DACH2: variants seen among roughly 807,000 people sequenced by gnomAD.
DACH2 encodes the protein dachshund family transcription factor 2.
In DACH2, 17 loss-of-function variants were observed where a neutral mutation model predicts 35.8. The observed-to-expected ratio is 0.48, with a 90% CI of 0.33 to 0.71. The LOEUF (loss-of-function observed/expected upper bound fraction) is 0.71. Among genes scored for constraint, DACH2 ranks in the 30% least tolerant of loss-of-function variants. The pLI, the probability that DACH2 is intolerant of heterozygous loss-of-function variation, is 0.02. For missense variants in DACH2, 469 were observed against 472.7 expected (o/e 0.99, Z 0.07); for synonymous variants, 195 against 177.3 (o/e 1.10, Z -0.79).
At chrX:86,288,143 G>A (rs1261501837) in intron 1 of DACH2, among the ~76,000 whole-genome samples, 1 of 112,438 alleles carries the variant, frequency 8.9e-6, no homozygotes, top group Non-Finnish European at 1.9e-5. Flanking sequence ...GACTCCTAGA[G>A]GTATTACCTT....
chrX:86,760,779 C>T (rs1166110190), intron 7 of DACH2, among the ~76,000 whole-genome samples: 1 of 109,704 alleles, frequency 9.1e-6, no homozygotes, highest in Non-Finnish European at 1.9e-5. Flanking sequence ...TTTGCTTTTT[C>T]CTCTGTCCTT....
chrX:86,428,394 G>A (rs1054508976), intron 2 of DACH2, among the ~76,000 whole-genome samples: 1 of 111,628 alleles, frequency 9.0e-6, no homozygotes, highest in Non-Finnish European at 1.9e-5. Context: ...ATTCCCATAA[G>A]TTACTGAATA....
At chrX:86,458,900 A>G (rs1016355790) in intron 2 of DACH2, among the ~76,000 whole-genome samples, 1 of 110,526 alleles carries the variant, frequency 9.0e-6, no homozygotes, top group East Asian at 2.9e-4. Flanking sequence ...GGATAGCATT[A>G]GGAGAAATAC....
chrX:86,733,110 G>A (rs747632103), intron 6 of DACH2, among the ~76,000 whole-genome samples: 1 of 111,315 alleles, frequency 9.0e-6, no homozygotes, highest in African/African-American at 3.3e-5. Context: ...TTGCACCGTG[G>A]GCACCTACAA....
intron 3 of DACH2, among the ~76,000 whole-genome samples, chrX:86,553,588 A>G (rs770351815): frequency 1.4e-3 from 156 of 112,328 alleles, no homozygotes; most frequent in African/African-American, 4.7e-3. Context: ...GACACTCAAT[A>G]TTAACCATCA....
intron 2 of DACH2, among the ~76,000 whole-genome samples, chrX:86,452,007 A>G (rs892491422): frequency 3.6e-5 from 4 of 111,986 alleles, no homozygotes; most frequent in African/African-American, 1.3e-4. Context: ...TTCCTTCATT[A>G]TATAGTTTAT....
intron 1 of DACH2, among the ~76,000 whole-genome samples, chrX:86,345,772 G>A (rs990934050): frequency 9.0e-6 from 1 of 111,554 alleles, no homozygotes; most frequent in Non-Finnish European, 1.9e-5. Flanking sequence ...CTTACAAAAT[G>A]AGACGGCCTT....
At chrX:86,183,503 C>G (rs1373145593) in intron 1 of DACH2, among the ~76,000 whole-genome samples, 2 of 111,809 alleles carry the variant, frequency 1.8e-5, no homozygotes, top group Admixed American at 1.9e-4. Flanking sequence ...GTTGAACCAG[C>G]CTTGCATCCC....
rs751398215 is a variant in DACH2 at position 86,264,964 on chromosome X, G to A, written c.489-111860G>A. Among the ~76,000 whole-genome samples the A allele has an allele frequency of 9.0e-5, 10 of 111,157 alleles. No homozygotes were observed. The South Asian group carries it at 2.3e-3, about 26-fold the overall frequency. ...TGCTGAAGTACAAACCTAGGGGTAG[G>A]AGAACCAGAGGACTGTAATTAACAT... On this transcript the variant is annotated intron_variant, in intron 1 of 11. Coordinates refer to ENST00000373125, the MANE Select transcript of DACH2 (RefSeq NM_053281.3).
intron 2 of DACH2, among the ~76,000 whole-genome samples, chrX:86,402,815 T>C (rs1160309097): frequency 1.8e-5 from 2 of 111,935 alleles, no homozygotes; most frequent in Admixed American, 9.5e-5. Flanking sequence ...AAAAAAGCAA[T>C]GTATTGTTAC....
At chrX:86,536,982 G>A (rs2038810931) in intron 3 of DACH2, among the ~76,000 whole-genome samples, 1 of 111,466 alleles carries the variant, frequency 9.0e-6, no homozygotes. Context: ...GTTCTGCTGG[G>A]CATTGTTTTA....
chrX:86,445,633 G>T (rs948432762), intron 2 of DACH2, among the ~76,000 whole-genome samples: 12 of 95,998 alleles, frequency 1.3e-4, no homozygotes, highest in African/African-American at 4.2e-4. Context: ...GGTTATTAAT[G>T]AGCATTTTTA....
chrX:86,504,014 A>G (rs1288969631), intron 2 of DACH2, among the ~76,000 whole-genome samples: 1 of 112,111 alleles, frequency 8.9e-6, no homozygotes, highest in Non-Finnish European at 1.9e-5. Context: ...AAGTGATTGT[A>G]TAGTGCTACC....
intron 11 of DACH2, among the ~76,000 whole-genome samples, chrX:86,818,466 T>A (rs2147357875): frequency 9.0e-6 from 1 of 111,666 alleles, no homozygotes; most frequent in East Asian, 2.8e-4. Context: ...TACTTTTGAA[T>A]GTATCTGTGA....
intron 3 of DACH2, among the ~76,000 whole-genome samples, chrX:86,626,496 T>C (rs977049476): frequency 8.9e-6 from 1 of 112,756 alleles, no homozygotes; most frequent in South Asian, 3.6e-4. Context: ...CACTGGGCAG[T>C]GCACTGGTGG....
chrX:86,335,231 C>T (rs1366735796), intron 1 of DACH2, among the ~76,000 whole-genome samples: 1 of 111,180 alleles, frequency 9.0e-6, no homozygotes, highest in Non-Finnish European at 1.9e-5. Flanking sequence ...CTTGGCTACA[C>T]ATGCTCTTTT....
intron 6 of DACH2, among the ~76,000 whole-genome samples, chrX:86,724,503 A>G (rs961649077): frequency 9.0e-6 from 1 of 111,543 alleles, no homozygotes; most frequent in Non-Finnish European, 1.9e-5. Flanking sequence ...TTCTTTTAGC[A>G]CTTTGAAAAT....
intron 7 of DACH2, among the ~76,000 whole-genome samples, chrX:86,786,120 A>G (rs968640097): frequency 1.8e-5 from 2 of 111,489 alleles, no homozygotes; most frequent in African/African-American, 6.5e-5. Flanking sequence ...CACCCCCACT[A>G]TATATACTCT....
intron 1 of DACH2, among the ~76,000 whole-genome samples, chrX:86,265,788 T>C (rs2033701321): frequency 9.0e-6 from 1 of 111,331 alleles, no homozygotes; most frequent in African/African-American, 3.3e-5. Context: ...GAGGCAAGGG[T>C]GGTGATTAGA....
Sources: gnomAD v4.1 joint callset for allele counts (sites outside exome capture counted in the v4.1 genomes callset) on GRCh38, gnomAD v4.1.1 for gene constraint, MANE v1.5 for transcripts, NCBI Gene and HGNC (gene_info 2026-07-23, HGNC 2026-07-21) for gene names.